The following CYP2C19 variants were observed in gnomAD, a reference collection of about 807,000 sequenced individuals.
CYP2C19 encodes cytochrome P450 family 2 subfamily C member 19.
CYP2C19 carries 59 observed loss-of-function variants against 40.9 expected under a neutral mutation model. That is an observed-to-expected ratio of 1.44 (90% CI 1.17 to 1.79). CYP2C19 has a LOEUF of 1.79. CYP2C19 is among the 40% of genes most tolerant of loss of function. CYP2C19 has a pLI of 0.00. For missense variants in CYP2C19, 754 were observed against 596.9 expected (o/e 1.26, Z -2.74); for synonymous variants, 253 against 208.7 (o/e 1.21, Z -1.83).
chr10:94,823,756 T>C (rs1849165939), intron 6 of CYP2C19, among the ~76,000 whole-genome samples: 1 of 152,218 alleles, frequency 6.6e-6, no homozygotes, highest in Non-Finnish European at 1.5e-5. Context: ...CTTGCACATT[T>C]GCCAAAATTT....
chr10:94,776,909 C>G (rs1848414474), intron 3 of CYP2C19, among the ~76,000 whole-genome samples: 1 of 152,094 alleles, frequency 6.6e-6, no homozygotes, highest in Non-Finnish European at 1.5e-5. Context: ...ACCCCATTGT[C>G]TCATCCCCAA....
intron 4 of CYP2C19, among the ~76,000 whole-genome samples, chr10:94,781,523 T>C (rs1441887934): frequency 6.6e-6 from 1 of 152,112 alleles, no homozygotes; most frequent in Non-Finnish European, 1.5e-5. Flanking sequence ...TATTTCAAGA[T>C]TGTAGAGAAG....
chr10:94,764,797 A>G (rs1284168162), intron 1 of CYP2C19, among the ~76,000 whole-genome samples: 2 of 152,260 alleles, frequency 1.3e-5, no homozygotes, highest in East Asian at 3.9e-4. Flanking sequence ...GGAGGTTAAA[A>G]ATACAGGGCC....
At chr10:94,837,530 T>C (rs1235564293) in intron 6 of CYP2C19, among the ~76,000 whole-genome samples, 1 of 151,586 alleles carries the variant, frequency 6.6e-6, no homozygotes, top group African/African-American at 2.4e-5. Flanking sequence ...AACAGGGGAG[T>C]GGGGCTTTCA....
chr10:94,816,416 G>A (rs1184035690), intron 5 of CYP2C19, among the ~76,000 whole-genome samples: 1 of 152,030 alleles, frequency 6.6e-6, no homozygotes, highest in Non-Finnish European at 1.5e-5. Flanking sequence ...TAATTAGAGA[G>A]CTGTTAGAGA....
intron 5 of CYP2C19, among the ~76,000 whole-genome samples, chr10:94,796,969 T>G (rs1302187456): frequency 1.3e-5 from 2 of 152,130 alleles, no homozygotes; most frequent in Non-Finnish European, 2.9e-5. Flanking sequence ...TTTTCCTAAT[T>G]GATTACCCTT....
chr10:94,826,433 G>C (rs1849223225), intron 6 of CYP2C19, among the ~76,000 whole-genome samples: 1 of 152,150 alleles, frequency 6.6e-6, no homozygotes, highest in South Asian at 2.1e-4. Context: ...GTGAATGGTA[G>C]TTCACTCATG....
intron 6 of CYP2C19, among the ~76,000 whole-genome samples, chr10:94,834,992 C>T (rs571907252): frequency 1.9e-4 from 29 of 152,122 alleles, no homozygotes; most frequent in Non-Finnish European, 4.0e-4. Context: ...AGGGGTGGTG[C>T]AGTTGAGATT....
At chr10:94,791,523 A>T (rs1360160770) in intron 5 of CYP2C19, among the ~76,000 whole-genome samples, 1 of 152,264 alleles carries the variant, frequency 6.6e-6, no homozygotes, top group East Asian at 1.9e-4. Flanking sequence ...ATTTCCATCT[A>T]CACACTGCTT....
At chr10:94,830,993 G>A (rs1449786665) in intron 6 of CYP2C19, among the ~76,000 whole-genome samples, 1 of 152,016 alleles carries the variant, frequency 6.6e-6, no homozygotes, top group Non-Finnish European at 1.5e-5. Context: ...TCAAATAGTA[G>A]GTCTTATTCA....
At chr10:94,843,306 C>A (rs886953496) in intron 7 of CYP2C19, among the ~76,000 whole-genome samples, 6 of 152,162 alleles carry the variant, frequency 3.9e-5, no homozygotes, top group Non-Finnish European at 7.4e-5. Flanking sequence ...GTTAATTTTT[C>A]AATTTCCCAA....
chr10:94,817,364 G>A (rs1297984682), intron 5 of CYP2C19, among the ~76,000 whole-genome samples: 1 of 149,080 alleles, frequency 6.7e-6, no homozygotes, highest in Non-Finnish European at 1.5e-5. Flanking sequence ...TTTTTTGGCT[G>A]CATAAATGTC....
At chr10:94,827,503 G>A (rs1208530993) in intron 6 of CYP2C19, among the ~76,000 whole-genome samples, 3 of 152,034 alleles carry the variant, frequency 2.0e-5, no homozygotes, top group Admixed American at 1.3e-4. Context: ...GGGATCGGTG[G>A]TGATATCCCC....
intron 5 of CYP2C19, among the ~76,000 whole-genome samples, chr10:94,813,441 G>C (rs1337219481): frequency 2.6e-5 from 4 of 151,976 alleles, no homozygotes; most frequent in African/African-American, 9.7e-5. Flanking sequence ...ATAAGCCCCT[G>C]ACTGGGACTG....
chr10:94,774,416 T>A (rs1444489740), intron 1 of CYP2C19: 5 of 152,820 alleles, frequency 3.3e-5, no homozygotes, highest in African/African-American at 1.2e-4. Flanking sequence ...CTATAAACTC[T>A]GTTAAGGGGT....
intron 5 of CYP2C19, among the ~76,000 whole-genome samples, chr10:94,798,084 T>C (rs369571846): frequency 6.6e-6 from 1 of 152,004 alleles, no homozygotes; most frequent in African/African-American, 2.4e-5. Flanking sequence ...TTGTGAGTTT[T>C]GGTGTCAATT....
chr10:94,822,849 A>G (rs538012063), intron 6 of CYP2C19, among the ~76,000 whole-genome samples: 52 of 151,808 alleles, frequency 3.4e-4, no homozygotes, highest in Non-Finnish European at 3.5e-4. Context: ...ACATTTTTTC[A>G]TATGTTTGTT....
intron 1 of CYP2C19, among the ~76,000 whole-genome samples, chr10:94,763,384 T>A (rs1848199584): frequency 6.6e-6 from 1 of 152,102 alleles, no homozygotes; most frequent in Non-Finnish European, 1.5e-5. Flanking sequence ...AATTATTAGA[T>A]CCACAAACTA....
At chr10:94,802,364 T>C (rs1193537136) in intron 5 of CYP2C19, among the ~76,000 whole-genome samples, 13 of 152,204 alleles carry the variant, frequency 8.5e-5, no homozygotes, top group Non-Finnish European at 1.5e-5. Context: ...CTTTTGATAT[T>C]TGTTGCTTAA....
Sources: gnomAD v4.1 joint callset for allele counts (sites outside exome capture counted in the v4.1 genomes callset) on GRCh38, gnomAD v4.1.1 for gene constraint, MANE v1.5 for transcripts, NCBI Gene and HGNC (gene_info 2026-07-23, HGNC 2026-07-21) for gene names.